FBXL17: variants seen among roughly 807,000 people sequenced by gnomAD.
FBXL17 encodes F-box and leucine rich repeat protein 17.
In FBXL17, 22 loss-of-function variants were observed where a neutral mutation model predicts 66.2. That is an observed-to-expected ratio of 0.33 (90% CI 0.24 to 0.47). FBXL17 has a LOEUF of 0.47. Among genes scored for constraint, FBXL17 ranks in the 20% least tolerant of loss-of-function variants. The pLI, the probability that FBXL17 is intolerant of heterozygous loss-of-function variation, is 1.00. For missense variants in FBXL17, 878 were observed against 948.2 expected (o/e 0.93, Z 0.97); for synonymous variants, 474 against 400.5 (o/e 1.18, Z -2.19).
At chr5:108,169,237 C>T (rs577730376) in intron 6 of FBXL17, among the ~76,000 whole-genome samples, 35 of 152,190 alleles carry the variant, frequency 2.3e-4, no homozygotes, top group Middle Eastern at 3.4e-3. Flanking sequence ...TGAGAAAAAT[C>T]TTGGAAATAA....
At chr5:107,920,989 G>GA (rs890872995) in intron 7 of FBXL17, among the ~76,000 whole-genome samples, 49 of 151,632 alleles carry the variant, frequency 3.2e-4, no homozygotes, top group Non-Finnish European at 5.5e-4. Flanking sequence ...ATGGCTTGTT[G>GA]AAAAAAAATA....
chr5:108,131,934 G>A (rs1445596788), intron 6 of FBXL17, among the ~76,000 whole-genome samples: 5 of 151,284 alleles, frequency 3.3e-5, no homozygotes, highest in African/African-American at 1.2e-4. Flanking sequence ...GGATAACCAT[G>A]AGTCCTTCCA....
At chr5:108,294,288 A>T (rs984274218) in intron 4 of FBXL17, among the ~76,000 whole-genome samples, 15 of 147,060 alleles carry the variant, frequency 1.0e-4, no homozygotes, top group African/African-American at 3.7e-4. Flanking sequence ...TACTGAAAAA[A>T]AAAAATATAT....
At chr5:107,953,173 T>C (rs1273529009) in intron 7 of FBXL17, among the ~76,000 whole-genome samples, 3 of 151,662 alleles carry the variant, frequency 2.0e-5, no homozygotes, top group Non-Finnish European at 4.4e-5. Context: ...GACGCCAAGG[T>C]GGGCGGATCA....
rs57472813 is a variant in FBXL17 at position 107,980,664 on chromosome 5, A to ATTTTTTTTTTTT, written c.1822+40260_1822+40261insAAAAAAAAAAAA. ...TAAAATAATATATATATATATATATATTTTTTTTTTGAGATGGAGTCTTGC... is the reference window on the plus strand; with the variant it reads ...TAAAATAATATATATATATATATATATTTTTTTTTTTTTTTTTTTTTTGAGATGGAGTCTTGC... On this transcript the variant is annotated intron_variant, in intron 7 of 8. Coordinates refer to ENST00000542267, the MANE Select transcript of FBXL17 (RefSeq NM_001163315.3). 8.1e-5 allele frequency among the ~76,000 whole-genome samples: 5 copies of ATTTTTTTTTTTT among 62,060 alleles called. 1 individual carries two copies. Among genetic ancestry groups the ATTTTTTTTTTTT allele is most frequent in the South Asian group, 6.1e-4 (1 of 1,630 alleles). 40.7% of individuals were successfully genotyped at this position (62,060 alleles called of 152,430 possible).
intron 8 of FBXL17, among the ~76,000 whole-genome samples, chr5:107,872,720 C>G (rs1225390938): frequency 1.3e-5 from 2 of 152,166 alleles, no homozygotes; most frequent in Non-Finnish European, 2.9e-5. Flanking sequence ...AATTCACCAC[C>G]ACAACAAGAG....
At position 108,186,154 on chromosome 5, in the gene FBXL17, A is replaced by C. The variant is rs1200907458; in HGVS notation, c.1708T>G (p.Ser570Ala). 1.9e-6 allele frequency: 3 copies of C among 1,612,604 alleles called. No individual in the cohort carries two copies. In the East Asian group the frequency reaches 6.7e-5, roughly 36 times the overall value. ...ATCCAGTTCAGACAGAGATTGAGAGAGCTAAGATTTTTGCACCTCTTGACA... is the reference window on the plus strand; with the variant it reads ...ATCCAGTTCAGACAGAGATTGAGAGCGCTAAGATTTTTGCACCTCTTGACA... Reference protein sequence around the residue: ...EIVKRCKNLSSLNLCLNWIIN... With the variant: ...EIVKRCKNLSALNLCLNWIIN... Residue 570 changes from serine (S) to alanine (A), a missense_variant, in exon 6 of 9, where the codon TCT becomes GCT. By Grantham distance (99) the Ser-to-Ala change is moderately conservative. Around this residue, in one of 4 missense-constraint regions of FBXL17, gnomAD observed 236 missense variants for 389.1 expected, o/e 0.61. Coordinates refer to ENST00000542267, the MANE Select transcript of FBXL17 (RefSeq NM_001163315.3).
chr5:108,171,827 G>A (rs1040268789), intron 6 of FBXL17, among the ~76,000 whole-genome samples: 1 of 152,190 alleles, frequency 6.6e-6, no homozygotes, highest in Non-Finnish European at 1.5e-5. Context: ...GGAGGACTTG[G>A]TGGGAGGTAA....
intron 4 of FBXL17, among the ~76,000 whole-genome samples, chr5:108,274,863 T>C (rs1446641203): frequency 6.6e-6 from 1 of 152,278 alleles, no homozygotes; most frequent in Middle Eastern, 3.4e-3. Context: ...GTTACAACTT[T>C]TACATTTATT....
chr5:108,064,296 C>A (rs1727201982), intron 6 of FBXL17, among the ~76,000 whole-genome samples: 3 of 152,130 alleles, frequency 2.0e-5, no homozygotes. Flanking sequence ...AATAATTTCA[C>A]AATTTGTAAT....
intron 4 of FBXL17, among the ~76,000 whole-genome samples, chr5:108,251,785 TAA>T (rs1333270743): frequency 3.9e-5 from 6 of 152,134 alleles, no homozygotes; most frequent in Admixed American, 6.6e-5. Context: ...AATTGTTTTA[TAA>T]GTTTTTATTC....
chr5:108,147,778 A>T (rs1366615790), intron 6 of FBXL17, among the ~76,000 whole-genome samples: 1 of 152,170 alleles, frequency 6.6e-6, no homozygotes. Flanking sequence ...CCAAAGATAG[A>T]GAAGAGATAT....
chr5:107,918,760 T>C (rs1005214412), intron 7 of FBXL17, among the ~76,000 whole-genome samples: 4 of 152,228 alleles, frequency 2.6e-5, no homozygotes, highest in Non-Finnish European at 2.9e-5. Context: ...CATGAGACTT[T>C]AAGCTCCTCA....
chr5:107,964,863 G>A (rs904662175), intron 7 of FBXL17, among the ~76,000 whole-genome samples: 1 of 152,106 alleles, frequency 6.6e-6, no homozygotes, highest in African/African-American at 2.4e-5. Flanking sequence ...GCACTTCAGT[G>A]CAATTAAGTG....
intron 6 of FBXL17, among the ~76,000 whole-genome samples, chr5:108,091,368 C>T (rs1188640735): frequency 6.6e-6 from 1 of 152,142 alleles, no homozygotes; most frequent in East Asian, 1.9e-4. Flanking sequence ...ATGTTATAAA[C>T]ATTTGAACTT....
At chr5:108,012,222 G>C (rs538018747) in intron 7 of FBXL17, among the ~76,000 whole-genome samples, 138 of 152,106 alleles carry the variant, frequency 9.1e-4, no homozygotes, top group African/African-American at 3.3e-3. Context: ...TTTAAAAGAG[G>C]ATTCAGAAAA....
chr5:108,152,492 T>G lies in FBXL17; in HGVS notation c.1745+33625A>C, dbSNP rs892842660. Among the ~76,000 whole-genome samples, 11 of 152,190 alleles carry G rather than the reference T, an allele frequency of 7.2e-5. 1 individual carries two copies. Among genetic ancestry groups the G allele is most frequent in the Admixed American group, 2.6e-4 (4 of 15,282 alleles). ...GATAAGTGCATATACAGGCATACTT[T>G]CTTCTATATTTTTGCCTCGGGCTCT... On this transcript the variant is annotated intron_variant, in intron 6 of 8. Coordinates refer to ENST00000542267, the MANE Select transcript of FBXL17 (RefSeq NM_001163315.3).
At chr5:108,378,650 G>C (rs1749618441) in intron 1 of FBXL17, among the ~76,000 whole-genome samples, 1 of 152,174 alleles carries the variant, frequency 6.6e-6, no homozygotes, top group East Asian at 1.9e-4. Context: ...ACTCCAGTCA[G>C]AATATGGACA....
intron 6 of FBXL17, among the ~76,000 whole-genome samples, chr5:108,111,211 G>T (rs1250198612): frequency 6.8e-6 from 1 of 148,048 alleles, no homozygotes; most frequent in South Asian, 2.1e-4. Flanking sequence ...ACAGAAATAA[G>T]TAAAAAGAAG....
Sources: allele counts gnomAD v4.1 joint callset (sites outside exome capture counted in the v4.1 genomes callset), GRCh38; gene constraint gnomAD v4.1.1; regional missense constraint gnomAD v4.1.1; transcripts MANE v1.5; gene names NCBI Gene and HGNC (gene_info 2026-07-23, HGNC 2026-07-21).